Variants in NCOR2 observed in about 807,000 individuals in gnomAD.
NCOR2 encodes the protein nuclear receptor corepressor 2, also known as CTG repeat protein 26.
A neutral mutation model predicts 262.9 loss-of-function variants in NCOR2; 81 were observed. The observed-to-expected ratio is 0.31, with a 90% CI of 0.26 to 0.37. The LOEUF (loss-of-function observed/expected upper bound fraction) is 0.37. Ranked by LOEUF, NCOR2 falls within the 10% of genes least tolerant of loss-of-function variation. The pLI, the probability that NCOR2 is intolerant of heterozygous loss-of-function variation, is 1.00. For synonymous variants in NCOR2, 1,659 were observed against 1,559.3 expected (o/e 1.06, Z -1.51); for missense variants, 3,385 against 3,621.4 (o/e 0.93, Z 1.68).
intron 22 of NCOR2, among the ~76,000 whole-genome samples, chr12:124,358,084 G>GAT (rs1219347823): frequency 9.9e-5 from 7 of 70,382 alleles, no homozygotes; most frequent in Admixed American, 2.6e-4. Context: ...GGTAACCTGT[G>GAT]ATGTGTGTGT....
Position 124,372,563 on chromosome 12 carries a change from T to C in NCOR2, c.2266A>G (p.Thr756Ala), listed in dbSNP as rs2039584266. The C allele has an allele frequency of 1.3e-6, 2 of 1,595,728 alleles. No individual in the cohort carries two copies. The highest frequency in any genetic ancestry group is 1.7e-5 in the Admixed American group (1 of 59,742). ...TGCCCTGTGTCCTTGGCGGCCTCAG[T>C]GTGAGGAGAGGGGATGCTCTCGGTG... The change falls in exon 20 of 47, where the codon ACT (threonine) becomes GCT (alanine). Residue 756 changes from threonine (T) to alanine (A), a missense_variant. Transcript: ENST00000405201.
chr12:124,393,663 A>G (rs776073669), intron 16 of NCOR2, among the ~76,000 whole-genome samples: 2 of 151,942 alleles, frequency 1.3e-5, no homozygotes, highest in African/African-American at 2.4e-5. Flanking sequence ...CCCCATTCCT[A>G]CTCTGCAAGT....
intron 17 of NCOR2, among the ~76,000 whole-genome samples, chr12:124,380,521 G>A (rs905681865): frequency 6.6e-6 from 1 of 152,218 alleles, no homozygotes; most frequent in African/African-American, 2.4e-5. Context: ...CCCGAATCCT[G>A]AGCCTCTCCC....
chr12:124,422,033 T>C (rs1233169214), intron 12 of NCOR2, among the ~76,000 whole-genome samples: 2 of 152,242 alleles, frequency 1.3e-5, no homozygotes, highest in East Asian at 1.9e-4. Context: ...AAGCAGTCAG[T>C]GACCCTCAGA....
chr12:124,493,218 G>A (rs186339729), intron 1 of NCOR2, among the ~76,000 whole-genome samples: 11 of 152,344 alleles, frequency 7.2e-5, no homozygotes, highest in African/African-American at 2.4e-4. Flanking sequence ...GGCCACAGCA[G>A]CCTGAGGACT....
intron 23 of NCOR2, 99 bp downstream of exon 25, chr12:124,356,543 T>G (rs1380690301): frequency 4.5e-6 from 5 of 1,108,870 alleles, no homozygotes; most frequent in African/African-American, 1.6e-5. Flanking sequence ...CCCATAAGGC[T>G]TTAAGATGCT....
intron 1 of NCOR2, among the ~76,000 whole-genome samples, 183 bp downstream of exon 2, chr12:124,535,382 T>C (rs1477366492): frequency 1.3e-5 from 2 of 152,124 alleles, no homozygotes; most frequent in African/African-American, 4.8e-5. Context: ...CCCCGCAAAC[T>C]GCCCTAAGTT....
Position 124,440,635 on chromosome 12 carries a change from C to G in NCOR2, c.816-2639G>C, listed in dbSNP as rs138355475. 6.6e-6 allele frequency among the ~76,000 whole-genome samples: 1 copy of G among 152,216 alleles called. No individual in the cohort carries two copies. The highest frequency in any genetic ancestry group is 2.1e-4 in the South Asian group (1 of 4,832). ...GGCACTGTTCCAGGTGCTGGGGACA[C>G]AGCAGGGAGCAAGACACAGTTGAGG... is the stretch of plus-strand genomic sequence containing the variant. On this transcript the variant is annotated intron_variant, in intron 7 of 46. Transcript: ENST00000405201. The surrounding 1 kb of genome is among the most constrained non-coding windows in gnomAD (Gnocchi z 5.7).
chr12:124,555,536 T>G (rs1054787352), intron 1 of NCOR2, among the ~76,000 whole-genome samples: 1 of 152,224 alleles, frequency 6.6e-6, no homozygotes, highest in Non-Finnish European at 1.5e-5. Flanking sequence ...CACCAGGGAC[T>G]GCAGTTACCC....
intron 22 of NCOR2, among the ~76,000 whole-genome samples, chr12:124,361,723 A>G (rs1322069120): frequency 6.6e-6 from 1 of 152,204 alleles, no homozygotes; most frequent in Non-Finnish European, 1.5e-5. Flanking sequence ...GGACTGATTC[A>G]CACCGAATCA....
chr12:124,544,438 C>G (rs1157900869), intron 1 of NCOR2, among the ~76,000 whole-genome samples: 1 of 152,202 alleles, frequency 6.6e-6, no homozygotes, highest in Non-Finnish European at 1.5e-5. Context: ...TTTAGAAGCT[C>G]CCTGGAGGGC....
At chr12:124,419,695 G>C (rs1485768973) in intron 13 of NCOR2, among the ~76,000 whole-genome samples, 1 of 152,222 alleles carries the variant, frequency 6.6e-6, no homozygotes, top group African/African-American at 2.4e-5. Flanking sequence ...GGCTGAGGAG[G>C]CCCGTGGCTG....
exon 20 of NCOR2, chr12:124,372,434 C>T (rs1331027981): frequency 6.8e-7 from 1 of 1,478,848 alleles, no homozygotes; most frequent in African/African-American, 1.4e-5. Context: ...GCTTCAGAGG[C>T]CGGGGTGGGC....
At chr12:124,551,112 C>T (rs1421383990) in intron 1 of NCOR2, among the ~76,000 whole-genome samples, 1 of 152,200 alleles carries the variant, frequency 6.6e-6, no homozygotes, top group African/African-American at 2.4e-5. Context: ...TATTACCCTT[C>T]TAATTCTCAA....
intron 17 of NCOR2, among the ~76,000 whole-genome samples, chr12:124,380,385 TCA>T (rs1400753983): frequency 6.6e-6 from 1 of 152,136 alleles, no homozygotes; most frequent in Admixed American, 6.5e-5. Flanking sequence ...CGTCCGTTAG[TCA>T]CAGTTTCCGA....
intron 13 of NCOR2, among the ~76,000 whole-genome samples, chr12:124,414,087 A>C (rs2042735100): frequency 6.6e-6 from 1 of 152,222 alleles, no homozygotes; most frequent in Non-Finnish European, 1.5e-5. Context: ...GCTCCTGCAC[A>C]GACCACAGGA....
intron 22 of NCOR2, 41 bp downstream of exon 24, chr12:124,362,085 C>T (rs377679493): frequency 7.9e-7 from 1 of 1,263,480 alleles, no homozygotes; most frequent in Non-Finnish European, 9.9e-7. Context: ...CCGTCAGTCC[C>T]CTGCTGCCCC....
chr12:124,458,305 C>G (rs10846676), intron 5 of NCOR2, among the ~76,000 whole-genome samples: 1 of 152,048 alleles, frequency 6.6e-6, no homozygotes, highest in Admixed American at 6.5e-5. Flanking sequence ...CCCAGGCTCC[C>G]GGGCTGCAGC....
At chr12:124,383,437 C>G (rs946544890) in intron 17 of NCOR2, 4 of 613,486 alleles carry the variant, frequency 6.5e-6, no homozygotes, top group Non-Finnish European at 6.9e-6. Flanking sequence ...CTGGTGGTCA[C>G]CACACTCAAC....
Sources: gnomAD v4.1 joint callset for allele counts (sites outside exome capture counted in the v4.1 genomes callset) on GRCh38, gnomAD v4.1.1 for gene constraint, Gnocchi (gnomAD v3.1) non-coding constraint, MANE v1.5 for transcripts, NCBI Gene and HGNC (gene_info 2026-07-23, HGNC 2026-07-21) for gene names.